TMEM132C: variants seen among roughly 807,000 people sequenced by gnomAD.
The protein encoded by TMEM132C is protein phosphatase 1, regulatory subunit 152.
A neutral mutation model predicts 61.4 loss-of-function variants in TMEM132C; 29 were observed. The observed-to-expected ratio is 0.47, with a 90% CI of 0.35 to 0.64. TMEM132C has a LOEUF of 0.64. Among genes scored for constraint, TMEM132C ranks in the 30% least tolerant of loss-of-function variants. The probability of loss-of-function intolerance (pLI) is 0.00; values close to 1 mark genes in which losing one functional copy is unlikely to be tolerated. For missense variants in TMEM132C, 1,408 were observed against 1,476.9 expected, an observed-to-expected ratio of 0.95 and a Z score of 0.76; for synonymous variants, 656 against 633.1, an observed-to-expected ratio of 1.04 and a Z score of -0.54.
At position 128,705,249 on chromosome 12, in the gene TMEM132C, G is replaced by T; in HGVS notation, c.2281G>T (p.Glu761Ter). 6.4e-7 allele frequency: 1 copy of T among 1,551,666 alleles called. No individual in the cohort carries two copies. Among genetic ancestry groups the T allele is most frequent in the Non-Finnish European group, 8.7e-7 (1 of 1,146,996 alleles). ...RSPRWPVVVA[E>*]GEGQGPLIRV... Reference sequence around the variant, plus strand: ...TCCCAGGTGGCCCGTTGTGGTGGCCGAAGGGGAAGGCCAGGGCCCACTGAT... The same window carrying T: ...TCCCAGGTGGCCCGTTGTGGTGGCCTAAGGGGAAGGCCAGGGCCCACTGAT... Residue 761 changes from glutamate (E) to a stop codon, truncating the protein, a stop_gained, in exon 9 of 9, where the codon GAA becomes TAA. Transcript: ENST00000435159. LOFTEE classifies it low-confidence loss of function (END_TRUNC).
intron 2 of TMEM132C, among the ~76,000 whole-genome samples, chr12:128,519,469 G>A (rs545095144): frequency 6.6e-6 from 1 of 152,292 alleles, no homozygotes; most frequent in Admixed American, 6.5e-5. Context: ...TCTTAAGATG[G>A]CTTCTACAGC....
intron 4 of TMEM132C, among the ~76,000 whole-genome samples, chr12:128,638,802 G>A (rs1428180228): frequency 6.6e-6 from 1 of 152,050 alleles, no homozygotes; most frequent in Non-Finnish European, 1.5e-5. Context: ...TGGTGATGGT[G>A]ATTATGATGG....
chr12:128,307,362 TGTCTAAGTAAA>T (rs1264401043), intron 1 of TMEM132C, among the ~76,000 whole-genome samples: 1 of 151,702 alleles, frequency 6.6e-6, no homozygotes, highest in Non-Finnish European at 1.5e-5. Flanking sequence ...AATTCAGCAA[TGTCTAAGTAAA>T]GACACTCAGA....
At chr12:128,675,030 G>A (rs925595567) in intron 5 of TMEM132C, among the ~76,000 whole-genome samples, 2 of 152,168 alleles carry the variant, frequency 1.3e-5, no homozygotes, top group Admixed American at 6.5e-5. Flanking sequence ...TGGAGGCTGA[G>A]ATTCAGCAGG....
intron 1 of TMEM132C, among the ~76,000 whole-genome samples, chr12:128,279,241 A>T (rs1870802142): frequency 6.6e-6 from 1 of 152,150 alleles, no homozygotes; most frequent in Non-Finnish European, 1.5e-5. Context: ...AACTGGCCAC[A>T]TAAAAGGAAT....
At chr12:128,471,869 A>G (rs10129032) in intron 2 of TMEM132C, among the ~76,000 whole-genome samples, 12,204 of 152,256 alleles carry the variant, frequency 0.08, 654 homozygotes, top group East Asian at 0.22. Context: ...CATAAATAAA[A>G]TAAAAGCTAA....
chr12:128,537,104 G>A (rs756300321), intron 2 of TMEM132C, among the ~76,000 whole-genome samples: 1 of 152,236 alleles, frequency 6.6e-6, no homozygotes, highest in Non-Finnish European at 1.5e-5. Context: ...TGGGTCCCAT[G>A]TGCAAAAGAT....
At chr12:128,617,512 G>A (rs1269676503) in intron 4 of TMEM132C, among the ~76,000 whole-genome samples, 1 of 152,200 alleles carries the variant, frequency 6.6e-6, no homozygotes, top group Non-Finnish European at 1.5e-5. Flanking sequence ...ATCACCCTGG[G>A]GCAGGTGTGG....
In TMEM132C at chr12:128,550,583, G is replaced by A. The variant is rs144770051; in HGVS notation, c.1121+6480G>A. On this transcript the variant is annotated intron_variant, in intron 3 of 8. Transcript: ENST00000435159. ...GCCTCCCAAAGTGCTGAGATTACAG[G>A]TGTGAGCCACTGAACTTGGCTTCTT... is the stretch of plus-strand genomic sequence containing the variant. Among the ~76,000 whole-genome samples the A allele has an allele frequency of 1.0e-3, 158 of 152,292 alleles. 1 individual carries two copies. The highest frequency in any genetic ancestry group is 8.1e-3 in the Admixed American group (124 of 15,304).
chr12:128,657,274 C>T (rs960354801), intron 4 of TMEM132C, among the ~76,000 whole-genome samples: 1 of 152,086 alleles, frequency 6.6e-6, no homozygotes, highest in South Asian at 2.1e-4. Flanking sequence ...GGTTTCCCTG[C>T]TTGAATAGGA....
At chr12:128,443,028 T>C (rs1010919746) in intron 2 of TMEM132C, among the ~76,000 whole-genome samples, 1 of 152,154 alleles carries the variant, frequency 6.6e-6, no homozygotes, top group Non-Finnish European at 1.5e-5. Flanking sequence ...AGGAGATGCA[T>C]GTGGAGTGTT....
intron 4 of TMEM132C, among the ~76,000 whole-genome samples, chr12:128,662,580 G>A (rs1181006881): frequency 1.3e-5 from 2 of 152,146 alleles, no homozygotes; most frequent in Admixed American, 6.5e-5. Context: ...GCTGAATCAT[G>A]TATGGGCTAT....
Position 128,292,187 on chromosome 12 carries a change from C to CA in TMEM132C, c.85+24704dup, listed in dbSNP as rs1216934137. Reference sequence around the variant, plus strand: ...TTTTGTTTTTCTGGCTGAATTCTGACAAAATATCACTTTTTTCTTATGCAC... The same window carrying CA: ...TTTTGTTTTTCTGGCTGAATTCTGACAAAAATATCACTTTTTTCTTATGCAC... On this transcript the variant is annotated intron_variant, in intron 1 of 8. Transcript: ENST00000435159. 2.0e-5 allele frequency among the ~76,000 whole-genome samples: 3 copies of CA among 152,286 alleles called. No individual in the cohort carries two copies. The East Asian group carries it at 5.8e-4, about 29-fold the overall frequency.
chr12:128,295,870 T>C (rs1473774164), intron 1 of TMEM132C, among the ~76,000 whole-genome samples: 1 of 152,214 alleles, frequency 6.6e-6, no homozygotes, highest in East Asian at 1.9e-4. Context: ...TTCCTCTGTC[T>C]TTCTCTCTGC....
chr12:128,646,733 T>G (rs1482251558), intron 4 of TMEM132C, among the ~76,000 whole-genome samples: 215 of 80,046 alleles, frequency 2.7e-3, no homozygotes, highest in Middle Eastern at 0.021. Context: ...AGCGTTGGAT[T>G]AGTGTGTTTA....
chr12:128,510,392 G>T (rs775497229), intron 2 of TMEM132C, among the ~76,000 whole-genome samples: 3 of 152,150 alleles, frequency 2.0e-5, no homozygotes, highest in Non-Finnish European at 2.9e-5. Flanking sequence ...GACAGGATTT[G>T]CCAAGAGGGC....
chr12:128,588,139 C>A (rs767385995), intron 3 of TMEM132C, among the ~76,000 whole-genome samples: 36 of 152,170 alleles, frequency 2.4e-4, no homozygotes, highest in Admixed American at 6.5e-5. Flanking sequence ...AGATGACTTT[C>A]ATGTCTCTTT....
Position 128,380,378 on chromosome 12 carries a change from T to C in TMEM132C, c.86-34354T>C, listed in dbSNP as rs928770543. Among the ~76,000 whole-genome samples, 10 of 152,226 alleles carry C rather than the reference T, an allele frequency of 6.6e-5. No homozygotes were observed. The East Asian group carries it at 1.3e-3, about 21-fold the overall frequency. ...CCAGTGCCTGCCCTTCCGCCTCCCATTTCCTGAATTACTTCTTCTGTACCA... is the reference window on the plus strand; with the variant it reads ...CCAGTGCCTGCCCTTCCGCCTCCCACTTCCTGAATTACTTCTTCTGTACCA... On this transcript the variant is annotated intron_variant, in intron 1 of 8. Coordinates refer to ENST00000435159, the MANE Select transcript of TMEM132C (RefSeq NM_001136103.3).
chr12:128,680,937 T>C (rs564292067), intron 5 of TMEM132C, among the ~76,000 whole-genome samples: 1 of 152,312 alleles, frequency 6.6e-6, no homozygotes, highest in African/African-American at 2.4e-5. Context: ...TCTGCATTGA[T>C]GAAAAGTTTC....
Sources: allele counts gnomAD v4.1 joint callset (sites outside exome capture counted in the v4.1 genomes callset), GRCh38; gene constraint gnomAD v4.1.1; transcripts MANE v1.5; gene names NCBI Gene and HGNC (gene_info 2026-07-23, HGNC 2026-07-21).